The following CEP295 variants were observed in gnomAD, a reference collection of about 807,000 sequenced individuals.
The protein encoded by CEP295 is centrosomal protein 295, also known as centrosomal protein of 295 kDa.
A neutral mutation model predicts 291.6 loss-of-function variants in CEP295; 190 were observed. The ratio of observed to expected loss-of-function variants is 0.65; its 90% CI spans 0.58 to 0.73. The LOEUF (loss-of-function observed/expected upper bound fraction) is 0.73, where lower values mean the gene tolerates loss of function less well. Ranked by LOEUF, CEP295 falls within the 30% of genes least tolerant of loss-of-function variation. CEP295 has a pLI of 0.00. For synonymous variants in CEP295, 993 were observed against 1,038.8 expected (o/e 0.96, Z 0.85); for missense variants, 2,863 against 2,949.4 (o/e 0.97, Z 0.68).
At chr11:93,689,805 C>A (rs1156490346) in intron 10 of CEP295, among the ~76,000 whole-genome samples, 1 of 152,148 alleles carries the variant, frequency 6.6e-6, no homozygotes, top group African/African-American at 2.4e-5. Flanking sequence ...TAGACTACTG[C>A]CTTGTACAAA....
intron 5 of CEP295, among the ~76,000 whole-genome samples, chr11:93,671,185 G>A (rs568711434): frequency 2.6e-5 from 4 of 152,146 alleles, no homozygotes; most frequent in African/African-American, 2.4e-5. Context: ...ACCCAGCCTC[G>A]TTCCTTTTAG....
intron 24 of CEP295, chr11:93,727,956 CT>C: frequency 5.0e-6 from 1 of 199,464 alleles, no homozygotes; most frequent in Non-Finnish European, 1.0e-5. Context: ...ACAAAAGATC[CT>C]TTTTCTCCCA....
At chr11:93,716,550 G>A (rs998457185) in intron 18 of CEP295, among the ~76,000 whole-genome samples, 1 of 152,174 alleles carries the variant, frequency 6.6e-6, no homozygotes, top group Non-Finnish European at 1.5e-5. Flanking sequence ...ATACAGGAGG[G>A]TATCTTTATT....
chr11:93,712,676 G>A (rs1952985215), intron 18 of CEP295, among the ~76,000 whole-genome samples: 1 of 152,072 alleles, frequency 6.6e-6, no homozygotes, highest in Non-Finnish European at 1.5e-5. Context: ...ATTTCTTGTA[G>A]GTAACAGATC....
At chr11:93,675,750 G>T (rs1246395831) in intron 6 of CEP295, 84 bp downstream of exon 6, 21 of 718,956 alleles carry the variant, frequency 2.9e-5, no homozygotes, top group Admixed American at 7.8e-5. Flanking sequence ...TATATGTATG[G>T]TGTTCCCAGA....
At chr11:93,665,305 C>G (rs1950156441) in intron 1 of CEP295, among the ~76,000 whole-genome samples, 1 of 152,176 alleles carries the variant, frequency 6.6e-6, no homozygotes, top group Admixed American at 6.5e-5. Flanking sequence ...AATTATAGAA[C>G]TATAGATTCT....
At position 93,701,557 on chromosome 11, in the gene CEP295, T is replaced by C. The variant is rs940710571; in HGVS notation, c.5275-903T>C. Among the ~76,000 whole-genome samples the C allele has an allele frequency of 4.6e-5, 7 of 152,234 alleles. No individual in the cohort carries two copies. The East Asian group carries it at 1.4e-3, about 29-fold the overall frequency. ...GGAAATACTCAAATATAATCTCTTA[T>C]GGAAAGATGAAATGGAGGCTAAGTT... On this transcript the variant is annotated intron_variant, in intron 15 of 29. Coordinates refer to ENST00000325212, the MANE Select transcript of CEP295 (RefSeq NM_033395.2).
In CEP295 at chr11:93,698,349, A is replaced by G; in HGVS notation, c.3437A>G (p.Gln1146Arg). The stretch of plus-strand genomic sequence containing the variant: ...TGTCATTTGATAATCCCAACATTTC[A>G]GGATAAGTCTCTTAGTTTTCCACAG... The part of the protein sequence containing the change: ...PSCHLIIPTF[Q>R]DKSLSFPQHS... Residue 1146 changes from glutamine to arginine, a missense_variant, in exon 15 of 30, where the codon CAG (glutamine) becomes CGG (arginine). Coordinates refer to ENST00000325212, the MANE Select transcript of CEP295 (RefSeq NM_033395.2). The G allele has an allele frequency of 6.4e-7, 1 of 1,552,218 alleles. No individual in the cohort carries two copies. The highest frequency in any genetic ancestry group is 1.2e-5 in the South Asian group (1 of 84,060).
At position 93,722,061 on chromosome 11, in the gene CEP295, CA is replaced by C; in HGVS notation, c.5947+15del. On this transcript the variant is annotated intron_variant, in intron 20 of 29. Transcript: ENST00000325212. ...GCCTTACAGATCCAGGTAATAAGGT[CA>C]AAATGTTTATAAATAAGTTGAAAGA... 6.8e-7 allele frequency: 1 copy of C among 1,477,554 alleles called. No individual in the cohort carries two copies. The highest frequency in any genetic ancestry group is 9.3e-7 in the Non-Finnish European group (1 of 1,079,656). The allele number at this position is 1,477,554 out of a possible 1,614,324, so 91.5% of individuals were successfully genotyped here.
chr11:93,727,000 T>C lies in CEP295; in HGVS notation c.6524T>C (p.Leu2175Pro). The C allele has an allele frequency of 1.3e-6, 2 of 1,536,748 alleles. No individual in the cohort carries two copies. The highest frequency in any genetic ancestry group is 1.8e-6 in the Non-Finnish European group (2 of 1,141,530). Residue 2175 changes from leucine (L) to proline (P), a missense_variant, in exon 24 of 30, where the codon CTT (leucine) becomes CCT (proline). Leu to Pro is a moderately conservative substitution (Grantham distance 98, BLOSUM62 -3). Transcript: ENST00000325212. ...IGGSEQCFEQ[L>P]QPEYSSQEES... ...GGATCTGAACAATGTTTTGAACAGC[T>C]TCAGCCAGAATATTCTTCACAGGAG...
chr11:93,676,992 G>A (rs1018513217), intron 6 of CEP295, among the ~76,000 whole-genome samples: 2 of 152,020 alleles, frequency 1.3e-5, no homozygotes, highest in African/African-American at 2.4e-5. Flanking sequence ...TGTACTGAAT[G>A]AAGATATGAT....
chr11:93,666,350 T>G (rs1385640033), intron 1 of CEP295, among the ~76,000 whole-genome samples: 3 of 152,174 alleles, frequency 2.0e-5, no homozygotes, highest in African/African-American at 7.2e-5. Context: ...TCCCAGCACT[T>G]TGGAAAGCTG....
Position 93,697,757 on chromosome 11 carries a change from A to G in CEP295, c.2845A>G (p.Asn949Asp). The G allele has an allele frequency of 6.4e-7, 1 of 1,551,712 alleles. No individual in the cohort carries two copies. The highest frequency in any genetic ancestry group is 8.7e-7 in the Non-Finnish European group (1 of 1,146,982). Residue 949 changes from asparagine to aspartate, a missense_variant, in exon 15 of 30, where the codon AAT (asparagine) becomes GAT (aspartate). Asn to Asp is a conservative substitution (Grantham distance 23, BLOSUM62 1). This residue lies in a region of CEP295 where 2,295 missense variants were observed against 2,335.7 expected (regional missense o/e 0.98). Transcript: ENST00000325212. ...LSQPILSQQN[N>D]FKFLQEQLNI... ...ACAGCCTATCCTATCACAGCAAAAT[A>G]ATTTTAAATTTCTCCAAGAGCAGTT...
In CEP295 at chr11:93,679,445, A is replaced by G; in HGVS notation, c.658A>G (p.Lys220Glu). Residue 220 changes from lysine (K) to glutamate (E), a missense_variant, in exon 7 of 30, where the codon AAA becomes GAA. Physicochemically the swap from Lys to Glu is moderately conservative, Grantham distance 56. This residue lies in a region of CEP295 where 554 missense variants were observed against 576.0 expected (regional missense o/e 0.96). Coordinates refer to ENST00000325212, the MANE Select transcript of CEP295 (RefSeq NM_033395.2). Reference protein sequence around the residue: ...DARLAAEEEAKRLEELQKQAA... With the variant: ...DARLAAEEEAERLEELQKQAA... The stretch of plus-strand genomic sequence containing the variant: ...TCGTTTGGCTGCTGAAGAGGAAGCT[A>G]AACGATTGGAAGAACTACAAAAACA... 6.4e-7 allele frequency: 1 copy of G among 1,551,532 alleles called. No homozygotes were observed. Among genetic ancestry groups the G allele is most frequent in the Non-Finnish European group, 8.7e-7 (1 of 1,146,822 alleles).
intron 5 of CEP295, 47 bp from the exon 6 acceptor site, chr11:93,675,524 G>A (rs1950644895): frequency 1.9e-6 from 2 of 1,042,636 alleles, no homozygotes; most frequent in African/African-American, 1.7e-5. Flanking sequence ...TCAGCTTTAA[G>A]TGAAAATTAA....
intron 8 of CEP295, 50 bp downstream of exon 8, chr11:93,683,792 G>A (rs1460350511): frequency 6.7e-7 from 1 of 1,489,952 alleles, no homozygotes; most frequent in Admixed American, 2.6e-5. Flanking sequence ...ACGTTTTGGT[G>A]GGAAAATATG....
At position 93,727,128 on chromosome 11, in the gene CEP295, A is replaced by G. The variant is rs1423708018; in HGVS notation, c.6652A>G (p.Ile2218Val). ...QNYPSEEHTE[I>V]LQNKKKIVHF... ...CTATCCCTCTGAAGAACATACTGAA[A>G]TATTACAAAACAAGAAAAAAATTGT... The change falls in exon 24 of 30, where the codon ATA becomes GTA. Residue 2218 changes from isoleucine to valine, a missense_variant. Coordinates refer to ENST00000325212, the MANE Select transcript of CEP295 (RefSeq NM_033395.2). 6.4e-7 allele frequency: 1 copy of G among 1,551,250 alleles called. No individual in the cohort carries two copies. The highest frequency in any genetic ancestry group is 2.0e-5 in the Admixed American group (1 of 50,918).
chr11:93,693,334 A>G (rs1028882036), intron 12 of CEP295, among the ~76,000 whole-genome samples: 7 of 152,114 alleles, frequency 4.6e-5, no homozygotes, highest in South Asian at 2.1e-4. Flanking sequence ...TTAATAAAAT[A>G]TTTTTTTAAC....
chr11:93,717,223 T>G (rs762612789), intron 18 of CEP295, among the ~76,000 whole-genome samples: 15 of 152,236 alleles, frequency 9.9e-5, no homozygotes, highest in Non-Finnish European at 4.4e-5. Flanking sequence ...TGGAAGCTTC[T>G]ATTCCGTCTC....
Sources: gnomAD v4.1 joint callset for allele counts (sites outside exome capture counted in the v4.1 genomes callset) on GRCh38, gnomAD v4.1.1 for gene constraint, gnomAD v4.1.1 regional missense constraint, MANE v1.5 for transcripts, NCBI Gene and HGNC (gene_info 2026-07-23, HGNC 2026-07-21) for gene names.